Variants in LIMCH1 observed in about 807,000 individuals in gnomAD.
LIMCH1 encodes LIM and calponin homology domains 1.
A neutral mutation model predicts 176.5 loss-of-function variants in LIMCH1; 113 were observed. That is an observed-to-expected ratio of 0.64 (90% CI 0.55 to 0.75). The LOEUF (loss-of-function observed/expected upper bound fraction) is 0.75. LIMCH1 is among the 30% of genes least tolerant of loss of function. The pLI is 0.00. For missense variants in LIMCH1, 1,674 were observed against 1,814.9 expected (o/e 0.92, Z 1.41); for synonymous variants, 619 against 645.9 (o/e 0.96, Z 0.63).
chr4:41,419,162 T>C (rs200836985), intron 1 of LIMCH1, among the ~76,000 whole-genome samples: 5 of 60,142 alleles, frequency 8.3e-5, no homozygotes, highest in Non-Finnish European at 9.7e-5. Context: ...TATTTTATTT[T>C]ATTTCATTTT....
At chr4:41,492,131 G>A (rs2071180819) in intron 1 of LIMCH1, among the ~76,000 whole-genome samples, 2 of 152,310 alleles carry the variant, frequency 1.3e-5, no homozygotes, top group East Asian at 1.9e-4. Flanking sequence ...TTGAGTGAGC[G>A]AGACTCCGTC....
intron 17 of LIMCH1, among the ~76,000 whole-genome samples, chr4:41,647,328 T>C (rs1361700987): frequency 6.6e-6 from 1 of 152,212 alleles, no homozygotes; most frequent in Non-Finnish European, 1.5e-5. Flanking sequence ...TAGGAAGAAA[T>C]TGGCATTCAG....
Position 41,626,991 on chromosome 4 carries a change from A to G in LIMCH1, c.1009A>G (p.Arg337Gly). 6.5e-7 allele frequency: 1 copy of G among 1,534,056 alleles called. No homozygotes were observed. The highest frequency in any genetic ancestry group is 8.7e-7 in the Non-Finnish European group (1 of 1,146,718). ...KQLSKGISKK[R>G]SLEYKRNQGH... The stretch of plus-strand genomic sequence containing the variant: ...GCTCTCAAAGGGAATCTCAAAAAAA[A>G]GAAGTCTAGAATATAAAAGGTGTGC... The change falls in exon 8 of 32, where the codon AGA (arginine) becomes GGA (glycine). Residue 337 changes from arginine to glycine, a missense_variant. Physicochemically the swap from Arg to Gly is moderately radical, Grantham distance 125 (BLOSUM62 -2). Around this residue, in one of 3 missense-constraint regions of LIMCH1, gnomAD observed 655 missense variants for 692.2 expected, o/e 0.95. Transcript: ENST00000503057.
Position 41,460,455 on chromosome 4 carries a change from C to CATATATATATATATATATATATAT in LIMCH1, c.97-34079_97-34078insATATATATATATATATATATATAT, listed in dbSNP as rs1302547339. 1.5e-3 allele frequency among the ~76,000 whole-genome samples: 142 copies of CATATATATATATATATATATATAT among 92,120 alleles called. 4 individuals are homozygous for CATATATATATATATATATATATAT. The highest frequency in any genetic ancestry group is 2.9e-3 in the African/African-American group (50 of 17,140). 60.4% of individuals were successfully genotyped at this position (92,120 alleles called of 152,430 possible). A position where few individuals can be genotyped will look rare whatever the true frequency, so the allele number is the denominator to read the frequency against. On this transcript the variant is annotated intron_variant, in intron 1 of 26. Coordinates refer to the LIMCH1 transcript ENST00000313860. ...GGTAAATTTGTTCCACTATAGTAAT[C>CATATATATATATATATATATATAT]ATCTATATATATATATATATATATC...
chr4:41,531,859 C>T lies in LIMCH1; in HGVS notation c.237+7381C>T, dbSNP rs145762162. Among the ~76,000 whole-genome samples the T allele has an allele frequency of 1.3e-3, 201 of 152,196 alleles. 3 individuals are homozygous for T. Among genetic ancestry groups the T allele is most frequent in the African/African-American group, 4.5e-3 (186 of 41,538 alleles). ...GGTACGATCCGGAGTCTCCAGGGGT[C>T]GTCCTCCCCTTCTTTAGGGGAACAA... On this transcript the variant is annotated intron_variant, in intron 3 of 26. Coordinates refer to the LIMCH1 transcript ENST00000313860.
intron 1 of LIMCH1, among the ~76,000 whole-genome samples, chr4:41,578,813 G>A (rs1339278170): frequency 6.6e-6 from 1 of 151,272 alleles, no homozygotes; most frequent in African/African-American, 2.4e-5. Flanking sequence ...TTGAACTATT[G>A]GGCTCAAGTG....
intron 4 of LIMCH1, 67 bp from the exon 5 acceptor site, chr4:41,613,399 A>T: frequency 7.3e-7 from 1 of 1,370,032 alleles, no homozygotes; most frequent in Admixed American, 1.9e-5. Context: ...AGACCACTGG[A>T]GACCCATCTT....
At chr4:41,534,645 T>G (rs57942374), upstream of LIMCH1, among the ~76,000 whole-genome samples, 14,908 of 152,224 alleles carry the variant, frequency 0.098, 983 homozygotes, top group African/African-American at 0.18. Flanking sequence ...TGGACTAGGT[T>G]AATGGATGGA....
intron 2 of LIMCH1, among the ~76,000 whole-genome samples, chr4:41,518,915 AT>A (rs35334550): frequency 0.52 from 78,760 of 151,430 alleles, 23,604 homozygotes; most frequent in African/African-American, 0.83. Flanking sequence ...ACATGAACAC[AT>A]TTTTTTTTAC....
At chr4:41,586,060 C>A (rs73233717) in intron 1 of LIMCH1, among the ~76,000 whole-genome samples, 19 of 140,444 alleles carry the variant, frequency 1.4e-4, no homozygotes, top group Non-Finnish European at 1.5e-5. Flanking sequence ...CCTTTCCCTC[C>A]CCTCCCCTCC....
intron 24 of LIMCH1, 30 bp from the exon 25 acceptor site, chr4:41,680,925 C>T: frequency 2.5e-6 from 3 of 1,188,812 alleles, no homozygotes; most frequent in African/African-American, 1.5e-5. Flanking sequence ...TATTTTCCCC[C>T]CTTTCATCGA....
chr4:41,472,925 C>A, intron 1 of LIMCH1: 1 of 624,574 alleles, frequency 1.6e-6, no homozygotes, highest in Non-Finnish European at 2.0e-6. Flanking sequence ...CATCTCTTAA[C>A]ATCCCATGGA....
intron 1 of LIMCH1, among the ~76,000 whole-genome samples, chr4:41,539,758 AT>A (rs1300615353): frequency 6.6e-6 from 1 of 152,190 alleles, no homozygotes; most frequent in African/African-American, 2.4e-5. Context: ...AGTTTAAAGG[AT>A]AAAGATATGG....
intron 1 of LIMCH1, among the ~76,000 whole-genome samples, chr4:41,419,470 G>A (rs1162233504): frequency 2.0e-5 from 3 of 152,070 alleles, no homozygotes; most frequent in African/African-American, 4.8e-5. Flanking sequence ...CACCATACCC[G>A]GCCAAGTCAT....
intron 2 of LIMCH1, among the ~76,000 whole-genome samples, chr4:41,602,891 A>G (rs998350851): frequency 2.0e-5 from 3 of 151,704 alleles, no homozygotes; most frequent in Admixed American, 6.6e-5. Flanking sequence ...AAACAGAAAC[A>G]TGAAACATTT....
chr4:41,613,757 C>T (rs922174599), intron 5 of LIMCH1, 96 bp downstream of exon 5: 4 of 1,013,124 alleles, frequency 3.9e-6, no homozygotes, highest in Non-Finnish European at 4.5e-6. Context: ...GGAAAGCAGG[C>T]TCCATATCCA....
intron 18 of LIMCH1, among the ~76,000 whole-genome samples, chr4:41,650,948 G>A (rs1166801667): frequency 1.3e-5 from 2 of 151,188 alleles, no homozygotes; most frequent in Non-Finnish European, 2.9e-5. Flanking sequence ...CTCTGCCTTT[G>A]TCTTCACTGG....
Position 41,633,722 on chromosome 4 carries a change from C to T in LIMCH1, c.2004C>T (p.Ser668=), listed in dbSNP as rs1281147389. Residue 668 remains serine, a synonymous_variant, in exon 13 of 32, where the codon TCC becomes TCT. Coordinates refer to ENST00000503057, the MANE Select transcript of LIMCH1 (RefSeq NM_001330672.2). ...RTGMSLRHTG[S]NPNQFLPVPF... Reference sequence around the variant, plus strand: ...GGATGTCCCTTAGACACACTGGATCCAACCCAAACCAGTTCCTTCCAGTTC... The same window carrying T: ...GGATGTCCCTTAGACACACTGGATCTAACCCAAACCAGTTCCTTCCAGTTC... 1 of 1,536,162 alleles carries T rather than the reference C, an allele frequency of 6.5e-7. No homozygotes were observed. Among genetic ancestry groups the T allele is most frequent in the Non-Finnish European group, 8.7e-7 (1 of 1,146,900 alleles).
intron 2 of LIMCH1, among the ~76,000 whole-genome samples, chr4:41,518,944 T>C (rs964716203): frequency 6.6e-6 from 1 of 152,166 alleles, no homozygotes; most frequent in African/African-American, 2.4e-5. Flanking sequence ...TAGTATTCCA[T>C]GGTGTATATG....
Sources: allele counts gnomAD v4.1 joint callset (sites outside exome capture counted in the v4.1 genomes callset), GRCh38; gene constraint gnomAD v4.1.1; regional missense constraint gnomAD v4.1.1; transcripts MANE v1.5; gene names NCBI Gene and HGNC (gene_info 2026-07-23, HGNC 2026-07-21).